The following QDPR variants were observed in gnomAD, a reference collection of about 807,000 sequenced individuals.
QDPR encodes quinoid dihydropteridine reductase.
A neutral mutation model predicts 31.7 loss-of-function variants in QDPR; 23 were observed. That is an observed-to-expected ratio of 0.73 (90% confidence interval 0.52 to 1.03). The LOEUF is 1.03. Among genes scored for constraint, QDPR ranks in the 50% least tolerant of loss-of-function variants. QDPR has a pLI of 0.00. For missense variants in QDPR, 324 were observed against 323.8 expected, an observed-to-expected ratio of 1.00 and a Z score of 0.00; for synonymous variants, 124 against 124.7, an observed-to-expected ratio of 0.99 and a Z score of 0.03.
chr4:17,492,639 G>T, intron 4 of QDPR: 1 of 425,194 alleles, frequency 2.4e-6, no homozygotes, highest in Non-Finnish European at 4.2e-6. Context: ...GTCCAGAAGA[G>T]GCCAGGAAGA....
intron 6 of QDPR, among the ~76,000 whole-genome samples, chr4:17,487,748 A>C (rs560995365): frequency 2.0e-5 from 3 of 152,190 alleles, no homozygotes; most frequent in Non-Finnish European, 4.4e-5. Flanking sequence ...GGATCGCTTG[A>C]GCCCAGGTGT....
chr4:17,496,783 G>A (rs1315811756), intron 4 of QDPR, among the ~76,000 whole-genome samples: 1 of 151,462 alleles, frequency 6.6e-6, no homozygotes, highest in Non-Finnish European at 1.5e-5. Context: ...TGGAGACAGA[G>A]TCTCACTCTG....
At chr4:17,510,979 G>A (rs1032056206) in intron 1 of QDPR, among the ~76,000 whole-genome samples, 1 of 152,138 alleles carries the variant, frequency 6.6e-6, no homozygotes, top group Non-Finnish European at 1.5e-5. Context: ...ACACTATTTG[G>A]GTGATGGTTA....
rs775048498 is a variant in QDPR, at chr4:17,501,755, A to G, written c.400T>C (p.Leu134=). The G allele has an allele frequency of 1.6e-5, 26 of 1,614,078 alleles. No individual in the cohort carries two copies. The highest frequency in any genetic ancestry group is 2.1e-5 in the Non-Finnish European group (25 of 1,180,040). ...TCCAGGGCAGCCTTTGCGCCAGCCA[A>G]GGTCAGGAGGCCTCCTTCCTTGAGA... ...KHLKEGGLLT[L]AGAKAALDGT... Residue 134 remains leucine, a synonymous_variant, in exon 4 of 7, where the codon TTG becomes CTG. Coordinates refer to ENST00000281243, the MANE Select transcript of QDPR (RefSeq NM_000320.3).
At chr4:17,505,499 G>A (rs923454896) in intron 2 of QDPR, among the ~76,000 whole-genome samples, 3 of 152,020 alleles carry the variant, frequency 2.0e-5, no homozygotes, top group South Asian at 4.2e-4. Context: ...CGCCTGCCTC[G>A]GCCTCTCAGA....
At chr4:17,488,729 G>A (rs1317031954) in intron 6 of QDPR, among the ~76,000 whole-genome samples, 1 of 152,218 alleles carries the variant, frequency 6.6e-6, no homozygotes, top group East Asian at 1.9e-4. Context: ...TCCTTCCTGG[G>A]AGACTCCCAG....
chr4:17,511,869 T>C, intron 1 of QDPR, 81 bp downstream of exon 1: 1 of 1,431,746 alleles, frequency 7.0e-7, no homozygotes, highest in Non-Finnish European at 9.4e-7. Flanking sequence ...CACCTTCCTC[T>C]AGACTGCCCC....
intron 4 of QDPR, among the ~76,000 whole-genome samples, chr4:17,500,404 AT>A (rs973053843): frequency 6.6e-6 from 1 of 152,128 alleles, no homozygotes; most frequent in African/African-American, 2.4e-5. Flanking sequence ...TCCCCCCAAC[AT>A]TCGTATATTG....
chr4:17,488,363 GAA>G (rs1230698292), intron 6 of QDPR, among the ~76,000 whole-genome samples: 4 of 152,072 alleles, frequency 2.6e-5, no homozygotes, highest in Non-Finnish European at 5.9e-5. Context: ...ATTTATGAGA[GAA>G]ACAGATGCAA....
At position 17,500,047 on chromosome 4, in the gene QDPR, G is replaced by A. The variant is rs923430100; in HGVS notation, c.436+1672C>T. Among the ~76,000 whole-genome samples the A allele has an allele frequency of 2.6e-5, 4 of 151,690 alleles. No homozygotes were observed. In the East Asian group the frequency reaches 5.8e-4, roughly 22 times the overall value. On this transcript the variant is annotated intron_variant, in intron 4 of 6. Transcript: ENST00000281243. ...TGCCCAGGCTGGAGTGCAGTGGCGC[G>A]ATCTCGGCTCACTGCAAGCTCCACC...
At chr4:17,510,076 C>A in intron 1 of QDPR, 1 of 425,666 alleles carries the variant, frequency 2.3e-6, no homozygotes, top group Non-Finnish European at 4.7e-6. Context: ...CATTAATTTT[C>A]ATATACAACA....
intron 4 of QDPR, among the ~76,000 whole-genome samples, chr4:17,500,511 C>T (rs529818542): frequency 6.6e-6 from 1 of 152,232 alleles, no homozygotes; most frequent in Non-Finnish European, 1.5e-5. Context: ...GGGCCCTAGT[C>T]CAATATGCCT....
At chr4:17,494,111 T>C (rs1397589233) in intron 4 of QDPR, among the ~76,000 whole-genome samples, 2 of 152,158 alleles carry the variant, frequency 1.3e-5, no homozygotes, top group Non-Finnish European at 2.9e-5. Flanking sequence ...TACTAAACCT[T>C]GGAATCCTCA....
Position 17,512,000 on chromosome 4 carries a change from T to C in QDPR, c.55A>G (p.Arg19Gly). ...EARRVLVYGG[R>G]GALGSRCVQA... ...ACGCATCGAGAACCCAGAGCGCCCC[T>C]GCCGCCGTACACCAGCACCCGGCGC... Residue 19 changes from arginine (R) to glycine (G), a missense_variant, in exon 1 of 7, where the codon AGG becomes GGG. Transcript: ENST00000281243. The C allele has an allele frequency of 1.2e-6, 2 of 1,609,610 alleles. No homozygotes were observed. Among genetic ancestry groups the C allele is most frequent in the Non-Finnish European group, 1.7e-6 (2 of 1,178,810 alleles).
chr4:17,510,332 T>C (rs1718962275), intron 1 of QDPR, among the ~76,000 whole-genome samples: 1 of 152,144 alleles, frequency 6.6e-6, no homozygotes, highest in African/African-American at 2.4e-5. Flanking sequence ...GGTTGTTTGT[T>C]GATGATTAAC....
At chr4:17,489,558 C>T (rs1460203496) in intron 6 of QDPR, among the ~76,000 whole-genome samples, 1 of 152,146 alleles carries the variant, frequency 6.6e-6, no homozygotes, top group Non-Finnish European at 1.5e-5. Context: ...GCAGCCACAC[C>T]ACTTGTGTCA....
chr4:17,498,422 T>C (rs959483328), intron 4 of QDPR, among the ~76,000 whole-genome samples: 3 of 152,176 alleles, frequency 2.0e-5, no homozygotes, highest in Non-Finnish European at 2.9e-5. Context: ...AAGTGCTCAT[T>C]AACCCAGCCC....
intron 3 of QDPR, among the ~76,000 whole-genome samples, chr4:17,502,998 G>A (rs765711395): frequency 6.6e-5 from 10 of 152,212 alleles, no homozygotes; most frequent in South Asian, 4.1e-4. Flanking sequence ...AGCTTCCCAG[G>A]TGATGTCATA....
intron 5 of QDPR, 101 bp downstream of exon 5, chr4:17,492,131 G>C (rs1272088125): frequency 1.1e-6 from 1 of 880,124 alleles, no homozygotes; most frequent in Non-Finnish European, 1.8e-6. Flanking sequence ...CCAGAGGTGA[G>C]AGCACACCCA....
Sources: gnomAD v4.1 joint callset for allele counts (sites outside exome capture counted in the v4.1 genomes callset) on GRCh38, gnomAD v4.1.1 for gene constraint, MANE v1.5 for transcripts, NCBI Gene and HGNC (gene_info 2026-07-23, HGNC 2026-07-21) for gene names.